FREM3: variants seen among roughly 807,000 people sequenced by gnomAD.
The protein encoded by FREM3 is FRAS1 related extracellular matrix 3.
In FREM3, 105 loss-of-function variants were observed where a neutral mutation model predicts 129.1. That is an observed-to-expected ratio of 0.81 (90% confidence interval 0.69 to 0.96). The LOEUF (loss-of-function observed/expected upper bound fraction) is 0.96. Among genes scored for constraint, FREM3 ranks in the 40% least tolerant of loss-of-function variants. The pLI, the probability that FREM3 is intolerant of heterozygous loss-of-function variation, is 0.00. For synonymous variants in FREM3, 1,014 were observed against 1,044.9 expected (o/e 0.97, Z 0.57); for missense variants, 2,593 against 2,666.3 (o/e 0.97, Z 0.61).
At chr4:143,682,451 G>T (rs1024919607) in intron 2 of FREM3, among the ~76,000 whole-genome samples, 1 of 152,204 alleles carries the variant, frequency 6.6e-6, no homozygotes, top group South Asian at 2.1e-4. Flanking sequence ...GTTACATGAG[G>T]TGAGCATGAA....
chr4:143,661,109 T>C (rs1321898275), intron 2 of FREM3, among the ~76,000 whole-genome samples: 1 of 152,214 alleles, frequency 6.6e-6, no homozygotes, highest in African/African-American at 2.4e-5. Flanking sequence ...GGCCAGAATT[T>C]CCAACACTAT....
chr4:143,611,108 T>C lies in FREM3; in HGVS notation c.6028+171A>G, dbSNP rs144602973. ...TCTACTCGCATGGCTGTTTTGTCAT[T>C]GGTGTTGGTGATGTCTATGCATTTG... On this transcript the variant is annotated intron_variant, in intron 6 of 7. Coordinates refer to ENST00000329798, the MANE Select transcript of FREM3 (RefSeq NM_001168235.2). Among the ~76,000 whole-genome samples, 174 of 152,340 alleles carry C rather than the reference T, an allele frequency of 1.1e-3. 1 individual carries two copies. Among genetic ancestry groups the C allele is most frequent in the African/African-American group, 3.9e-3 (164 of 41,578 alleles).
chr4:143,617,372 G>T (rs1738871207), intron 5 of FREM3, among the ~76,000 whole-genome samples: 1 of 152,024 alleles, frequency 6.6e-6, no homozygotes, highest in East Asian at 1.9e-4. Context: ...ACAAAGCATG[G>T]GACAGCCCCC....
chr4:143,695,379 G>A, intron 1 of FREM3, 112 bp downstream of exon 1: 2 of 932,306 alleles, frequency 2.1e-6, no homozygotes, highest in East Asian at 2.7e-5. Flanking sequence ...TATTTTATTA[G>A]AACAAGAATC....
chr4:143,693,563 A>G (rs1329484993), intron 1 of FREM3, among the ~76,000 whole-genome samples: 1 of 152,206 alleles, frequency 6.6e-6, no homozygotes. Context: ...AGCTAAAAAC[A>G]GAACTATCAT....
intron 7 of FREM3, among the ~76,000 whole-genome samples, chr4:143,584,538 A>G (rs1187157001): frequency 6.6e-6 from 1 of 152,236 alleles, no homozygotes. Context: ...AAAGACAGGC[A>G]TTATATAATC....
chr4:143,612,634 T>A lies in FREM3; in HGVS notation c.5780-1107A>T, dbSNP rs757669214. Among the ~76,000 whole-genome samples, 13 of 152,280 alleles carry A rather than the reference T, an allele frequency of 8.5e-5. No homozygotes were observed. The East Asian group carries it at 2.5e-3, about 29-fold the overall frequency. On this transcript the variant is annotated intron_variant, in intron 5 of 7. Coordinates refer to ENST00000329798, the MANE Select transcript of FREM3 (RefSeq NM_001168235.2). ...CACAATTACTTTTGCACCAACCCAA[T>A]AATTTTTTTTCTAGAATAAATACTT...
chr4:143,697,079 A>G lies in FREM3; in HGVS notation c.3597T>C (p.His1199=), dbSNP rs749226688. The change falls in exon 1 of 8, where the codon CAT becomes CAC. Residue 1199 remains histidine (H), a synonymous_variant. Transcript: ENST00000329798. ...TCATCCCCTCTAGTACCTTAAACTCATGGGCAAAAAGTTTAGGCTGCTCAT... is the reference window on the plus strand; with the variant it reads ...TCATCCCCTCTAGTACCTTAAACTCGTGGGCAAAAAGTTTAGGCTGCTCAT... The part of the protein sequence containing the change: ...TNDEQPKLFA[H]EFKVLEGMSL... 1.3e-6 allele frequency: 2 copies of G among 1,537,584 alleles called. No individual in the cohort carries two copies. The highest frequency in any genetic ancestry group is 2.4e-5 in the East Asian group (1 of 40,908).
chr4:143,667,061 C>T (rs184177811), intron 2 of FREM3, among the ~76,000 whole-genome samples: 33 of 152,158 alleles, frequency 2.2e-4, no homozygotes, highest in Middle Eastern at 3.4e-3. Flanking sequence ...TTTGACATCT[C>T]TGCAATACCT....
At chr4:143,620,891 G>T in intron 5 of FREM3, 146 bp downstream of exon 5, 1 of 714,340 alleles carries the variant, frequency 1.4e-6, no homozygotes, top group Non-Finnish European at 2.2e-6. Flanking sequence ...AGGAAAGGGG[G>T]TTCGCAGCAG....
At chr4:143,583,732 T>A (rs977238183) in intron 7 of FREM3, among the ~76,000 whole-genome samples, 17 of 149,972 alleles carry the variant, frequency 1.1e-4, no homozygotes, top group African/African-American at 3.7e-4. Context: ...AAAGGAGAAA[T>A]AAGATCTTCA....
Position 143,696,211 on chromosome 4 carries a change from G to A in FREM3, c.4465C>T (p.Leu1489Phe). The A allele has an allele frequency of 6.5e-7, 1 of 1,537,876 alleles. No homozygotes were observed. Among genetic ancestry groups the A allele is most frequent in the East Asian group, 2.4e-5 (1 of 40,912 alleles). Residue 1489 changes from leucine (L) to phenylalanine (F), a missense_variant, in exon 1 of 8, where the codon CTT becomes TTT. By Grantham distance (22) the Leu-to-Phe change is conservative (BLOSUM62 0). Transcript: ENST00000329798. Reference sequence around the variant, plus strand: ...GATATTTTGTTGCTAGCCAATTGAAGTTGAGTGAAAGAGGCAATGGGTTCC... The same window carrying A: ...GATATTTTGTTGCTAGCCAATTGAAATTGAGTGAAAGAGGCAATGGGTTCC... ...AGEPIASFTQ[L>F]QLASNKISYV...
chr4:143,656,261 T>C (rs1487317024), intron 2 of FREM3, among the ~76,000 whole-genome samples: 2 of 152,126 alleles, frequency 1.3e-5, no homozygotes, highest in African/African-American at 2.4e-5. Flanking sequence ...ACAGCAGATA[T>C]CAAGTCCTGA....
At chr4:143,689,845 G>C (rs865947115) in intron 2 of FREM3, among the ~76,000 whole-genome samples, 2 of 146,252 alleles carry the variant, frequency 1.4e-5, no homozygotes, top group East Asian at 2.1e-4. Flanking sequence ...TGATGCAAAG[G>C]CATAAGAATG....
chr4:143,684,239 C>A (rs966423997), intron 2 of FREM3, among the ~76,000 whole-genome samples: 3 of 152,240 alleles, frequency 2.0e-5, no homozygotes, highest in Non-Finnish European at 4.4e-5. Flanking sequence ...AGCTAAGGAC[C>A]CTCATGGAGT....
chr4:143,623,493 T>TCTC (rs1738989290), intron 4 of FREM3, among the ~76,000 whole-genome samples: 1 of 68,522 alleles, frequency 1.5e-5, no homozygotes, highest in Non-Finnish European at 3.1e-5. Flanking sequence ...TGAATACTAA[T>TCTC]CCCCCCCCCC....
In FREM3 at chr4:143,698,953, CAG is replaced by C. The variant is rs752474592; in HGVS notation, c.1721_1722del (p.Ser574Ter). The C allele has an allele frequency of 1.6e-5, 24 of 1,537,212 alleles. No homozygotes were observed. The highest frequency in any genetic ancestry group is 2.1e-5 in the Non-Finnish European group (24 of 1,146,896). On this transcript the variant is annotated frameshift_variant, in exon 1 of 8. Transcript: ENST00000329798. LOFTEE classifies it high-confidence loss of function. ...AGCACAAAGTGGATGGTTGAGTCCT[CAG>C]AGTCAATATCAGTAGCACTCAGTAC... ...PFVLSATDID[S>X]EDSTIHFVLE...
At chr4:143,628,063 T>G (rs1312115425) in intron 2 of FREM3, among the ~76,000 whole-genome samples, 2 of 152,054 alleles carry the variant, frequency 1.3e-5, no homozygotes, top group African/African-American at 4.8e-5. Flanking sequence ...CAGGTCATAC[T>G]CAACACCTCT....
Position 143,583,516 on chromosome 4 carries a change from C to T in FREM3, c.6178+2328G>A, listed in dbSNP as rs181784726. 1.7e-3 allele frequency among the ~76,000 whole-genome samples: 260 copies of T among 152,090 alleles called. 2 individuals carry two copies. The highest frequency in any genetic ancestry group is 1.0e-3 in the Non-Finnish European group (68 of 68,016). On this transcript the variant is annotated intron_variant, in intron 7 of 7. Transcript: ENST00000329798. The stretch of plus-strand genomic sequence containing the variant: ...CTAAGACACATAGTCATCAGACTCT[C>T]CAAGGTTGACATGAAAGAAAAAAAT...
Sources: allele counts gnomAD v4.1 joint callset (sites outside exome capture counted in the v4.1 genomes callset), GRCh38; gene constraint gnomAD v4.1.1; transcripts MANE v1.5; gene names NCBI Gene and HGNC (gene_info 2026-07-23, HGNC 2026-07-21).